The following DNAJB1 variants were observed in gnomAD, a reference collection of about 807,000 sequenced individuals.
DNAJB1 encodes dnaJ homolog subfamily B member 1.
A neutral mutation model predicts 24.0 loss-of-function variants in DNAJB1; 14 were observed. The ratio of observed to expected loss-of-function variants is 0.58; its 90% CI spans 0.39 to 0.91. The LOEUF is 0.91. DNAJB1 is among the 40% of genes least tolerant of loss of function. DNAJB1 has a pLI of 0.00. For synonymous variants in DNAJB1, 262 were observed against 174.4 expected (o/e 1.50, Z -3.96); for missense variants, 517 against 458.1 (o/e 1.13, Z -1.17).
chr19:14,522,540 G>C (rs546809611), upstream of DNAJB1, among the ~76,000 whole-genome samples: 2 of 148,702 alleles, frequency 1.3e-5, no homozygotes, highest in Admixed American at 1.3e-4. Flanking sequence ...GAGGTTTCCC[G>C]GCAGAAAAAG....
intron 1 of DNAJB1, among the ~76,000 whole-genome samples, chr19:14,543,419 ATTTTTTTTTTTTTT>A (rs1169742953): frequency 2.3e-3 from 51 of 21,810 alleles, no homozygotes; most frequent in South Asian, 7.0e-3. Flanking sequence ...ATATATATAT[ATTTTTTTTTTTTTT>A]TTTTTTTTTT....
Position 14,516,202 on chromosome 19 carries a change from A to C in DNAJB1, c.793-32T>G, listed in dbSNP as rs781200067. ...AAGCAAAAGGACAGCATTAGATGGA[A>C]GCTGGCTCAAGAGGCTCAGCTCTTG... is the stretch of plus-strand genomic sequence containing the variant. On this transcript the variant is annotated intron_variant, in intron 2 of 2. Coordinates refer to ENST00000254322, the MANE Select transcript of DNAJB1 (RefSeq NM_006145.3). The C allele has an allele frequency of 2.5e-6, 4 of 1,610,786 alleles. No homozygotes were observed. In the South Asian group the frequency reaches 4.4e-5, roughly 18 times the overall value.
At position 14,555,413 on chromosome 19, in the gene DNAJB1, A is replaced by G. The variant is rs567568716; in HGVS notation, c.-2165-1095T>C. On this transcript the variant is annotated intron_variant, in intron 1 of 5. Transcript: ENST00000679223. ...ACAGGTGCCCACTGCCATGCCCAGCAAATTTTTTTGTATTTTTATTTATTC... is the reference window on the plus strand; with the variant it reads ...ACAGGTGCCCACTGCCATGCCCAGCGAATTTTTTTGTATTTTTATTTATTC... 2.6e-3 allele frequency among the ~76,000 whole-genome samples: 384 copies of G among 146,520 alleles called. 4 individuals are homozygous for G. Among genetic ancestry groups the G allele is most frequent in the African/African-American group, 9.4e-3 (370 of 39,394 alleles).
intron 1 of DNAJB1, 140 bp downstream of exon 1, chr19:14,517,999 G>A (rs1418740908): frequency 4.3e-6 from 4 of 929,706 alleles, no homozygotes; most frequent in Non-Finnish European, 5.8e-6. Context: ...GAGGGCGGAG[G>A]CCCGCGAGGC....
rs138448106 is a variant in DNAJB1, at chr19:14,549,600, T to C, written c.-214+608A>G. ...CCCTGGCCTCCCAAAGTGCTGGGAT[T>C]ACAGGCATGAGCCAGCGTACCTGAC... On this transcript the variant is annotated intron_variant, in intron 1 of 3. Coordinates refer to the DNAJB1 transcript ENST00000676982. Among the ~76,000 whole-genome samples, 357 of 152,102 alleles carry C rather than the reference T, an allele frequency of 2.3e-3. 4 individuals carry two copies. The highest frequency in any genetic ancestry group is 8.3e-3 in the African/African-American group (346 of 41,530).
At chr19:14,554,920 A>G (rs186980730), upstream of DNAJB1, among the ~76,000 whole-genome samples, 1 of 151,928 alleles carries the variant, frequency 6.6e-6, no homozygotes, top group Non-Finnish European at 1.5e-5. Flanking sequence ...CTGGGACTAC[A>G]GGCGTGTGCC....
At chr19:14,545,206 C>T (rs1261676448) in intron 1 of DNAJB1, 3 of 456,752 alleles carry the variant, frequency 6.6e-6, no homozygotes, top group Admixed American at 2.3e-5. Flanking sequence ...CTTGTCTTGG[C>T]TCTGCTCCAG....
chr19:14,555,018 C>T (rs1203890064), upstream of DNAJB1, among the ~76,000 whole-genome samples: 1 of 151,718 alleles, frequency 6.6e-6, no homozygotes. Context: ...ACCTTGTGAT[C>T]TGCCCACGTC....
intron 2 of DNAJB1, 58 bp from the exon 3 acceptor site, chr19:14,516,228 C>A (rs144041490): frequency 5.1e-6 from 8 of 1,583,964 alleles, no homozygotes; most frequent in Non-Finnish European, 6.9e-6. Context: ...TCAGCTCTTG[C>A]CCAGAGGCCG....
chr19:14,516,039 G>C lies in DNAJB1; in HGVS notation c.924C>G (p.Pro308=), dbSNP rs755798125. 12 of 1,612,836 alleles carry C rather than the reference G, an allele frequency of 7.4e-6. No individual in the cohort carries two copies. Among genetic ancestry groups the C allele is most frequent in the African/African-American group, 1.3e-5 (1 of 74,758 alleles). The change falls in exon 3 of 3, where the codon CCC becomes CCG. Residue 308 remains proline (P), a synonymous_variant. Coordinates refer to ENST00000254322, the MANE Select transcript of DNAJB1 (RefSeq NM_006145.3). ...PGEGLPLPKT[P]EKRGDLIIEF... ...CAATAATGAGGTCCCCACGTTTCTC[G>C]GGTGTTTTGGGGAGGGGGAGGCCTT...
rs71166754 is a variant in DNAJB1 at position 14,542,347 on chromosome 19, G to GTTTTT, written c.-214+7856_-214+7860dup. 5.5e-4 allele frequency among the ~76,000 whole-genome samples: 24 copies of GTTTTT among 43,292 alleles called. 2 individuals carry two copies. Among genetic ancestry groups the GTTTTT allele is most frequent in the South Asian group, 2.8e-3 (3 of 1,080 alleles). 28.4% of individuals were successfully genotyped at this position (43,292 alleles called of 152,430 possible). A position where few individuals can be genotyped will look rare whatever the true frequency, so the allele number is the denominator to read the frequency against. On this transcript the variant is annotated intron_variant, in intron 1 of 3. Coordinates refer to the DNAJB1 transcript ENST00000676982. Reference sequence around the variant, plus strand: ...CCTCAGGGGGCCCTCATGCCATAGTGTTTTTTTTTTTTTTTTTTTTTTTTT... The same window carrying GTTTTT: ...CCTCAGGGGGCCCTCATGCCATAGTGTTTTTTTTTTTTTTTTTTTTTTTTTTTTTT...
intron 1 of DNAJB1, among the ~76,000 whole-genome samples, chr19:14,547,343 CTATTTTATTTTATTT>C (rs149850437): frequency 1.3e-5 from 2 of 151,592 alleles, no homozygotes; most frequent in African/African-American, 4.8e-5. Flanking sequence ...CGTACCTGGC[CTATTTTATTTTATTT>C]TATTTTATTT....
At chr19:14,553,997 G>A (rs967564189), upstream of DNAJB1, among the ~76,000 whole-genome samples, 3 of 152,196 alleles carry the variant, frequency 2.0e-5, no homozygotes, top group East Asian at 1.9e-4. Flanking sequence ...AGTCCCCTGC[G>A]GGGTCCGAGA....
upstream of DNAJB1, among the ~76,000 whole-genome samples, chr19:14,519,038 G>A (rs1421885288): frequency 6.6e-6 from 1 of 152,168 alleles, no homozygotes; most frequent in Non-Finnish European, 1.5e-5. Flanking sequence ...TTGGAGACCA[G>A]CCTAGGCAAC....
At chr19:14,528,703 G>A (rs1274527768) in intron 1 of DNAJB1, among the ~76,000 whole-genome samples, 1 of 152,002 alleles carries the variant, frequency 6.6e-6, no homozygotes, top group Non-Finnish European at 1.5e-5. Context: ...ACTTTGGGAG[G>A]CTGAGGCGGG....
chr19:14,536,983 G>A (rs2072921982), intron 1 of DNAJB1, among the ~76,000 whole-genome samples: 1 of 141,456 alleles, frequency 7.1e-6, no homozygotes, highest in Non-Finnish European at 1.5e-5. Flanking sequence ...AGGGGGCGGG[G>A]CCGAGGAGGA....
intron 1 of DNAJB1, among the ~76,000 whole-genome samples, chr19:14,538,536 C>CTT (rs5827232): frequency 7.3e-6 from 1 of 136,768 alleles, no homozygotes; most frequent in South Asian, 2.4e-4. Context: ...TCTTTTTTTT[C>CTT]TTTTTTTTTT....
At chr19:14,518,423 A>G, upstream of DNAJB1, 1 of 1,249,708 alleles carries the variant, frequency 8.0e-7, no homozygotes, top group Non-Finnish European at 1.0e-6. Context: ...CGGACTCTAT[A>G]TACCCGTCCG....
At chr19:14,542,743 A>C (rs1262569504) in intron 1 of DNAJB1, among the ~76,000 whole-genome samples, 2 of 152,022 alleles carry the variant, frequency 1.3e-5, no homozygotes, top group Non-Finnish European at 2.9e-5. Flanking sequence ...TGTGGGGCTT[A>C]CTGGGAGCAG....
Sources: gnomAD v4.1 joint callset for allele counts (sites outside exome capture counted in the v4.1 genomes callset) on GRCh38, gnomAD v4.1.1 for gene constraint, MANE v1.5 for transcripts, NCBI Gene and HGNC (gene_info 2026-07-23, HGNC 2026-07-21) for gene names.